Variants in FTO observed in about 807,000 individuals in gnomAD.
The protein encoded by FTO is FTO alpha-ketoglutarate dependent dioxygenase, also known as alpha-ketoglutarate-dependent dioxygenase FTO.
Under a neutral mutation model 63.9 loss-of-function variants are expected in FTO, and 47 were observed. That is an observed-to-expected ratio of 0.74 (90% confidence interval 0.58 to 0.94). FTO has a LOEUF of 0.94. Ranked by LOEUF, FTO falls within the 40% of genes least tolerant of loss-of-function variation. The pLI is 0.00. For synonymous variants in FTO, 207 were observed against 224.4 expected (o/e 0.92, Z 0.69); for missense variants, 562 against 618.1 (o/e 0.91, Z 0.96).
intron 2 of FTO, among the ~76,000 whole-genome samples, chr16:53,823,633 T>C (rs1486866820): frequency 6.6e-6 from 1 of 152,170 alleles, no homozygotes; most frequent in Non-Finnish European, 1.5e-5. Context: ...TTTCACAGAA[T>C]AGTAAATTGT....
chr16:53,891,345 G>C (rs1447481682), intron 7 of FTO, among the ~76,000 whole-genome samples: 1 of 82,712 alleles, frequency 1.2e-5, no homozygotes, highest in Non-Finnish European at 2.2e-5. Context: ...TTGTTCAAGA[G>C]CTTTTTTTTT....
chr16:54,106,611 T>C (rs2086758307), intron 8 of FTO, among the ~76,000 whole-genome samples: 1 of 139,910 alleles, frequency 7.1e-6, no homozygotes, highest in South Asian at 2.1e-4. Flanking sequence ...ATCATATAAT[T>C]ATATAATAAA....
At chr16:54,106,549 T>C (rs1460872685) in intron 8 of FTO, among the ~76,000 whole-genome samples, 1 of 142,556 alleles carries the variant, frequency 7.0e-6, no homozygotes, top group Non-Finnish European at 1.5e-5. Flanking sequence ...TATTATATAA[T>C]ATTAGATATA....
intron 8 of FTO, among the ~76,000 whole-genome samples, chr16:54,111,385 A>C (rs1300125810): frequency 6.6e-6 from 1 of 152,222 alleles, no homozygotes; most frequent in Non-Finnish European, 1.5e-5. Flanking sequence ...ATCTAGTAAT[A>C]CATTGAAATC....
At chr16:53,760,205 GGTGTGTGTGTGTGTGT>G (rs1173270081) in intron 1 of FTO, among the ~76,000 whole-genome samples, 69 of 125,592 alleles carry the variant, frequency 5.5e-4, no homozygotes, top group South Asian at 3.2e-3. Context: ...CTTCAGCTTT[GGTGTGTGTGTGTGTGT>G]GTGTGTGTGT....
intron 8 of FTO, among the ~76,000 whole-genome samples, chr16:53,979,021 C>T (rs1422117883): frequency 6.6e-6 from 1 of 151,986 alleles, no homozygotes; most frequent in Non-Finnish European, 1.5e-5. Context: ...AAAAAGTACC[C>T]ATAATCCTAC....
chr16:54,005,265 T>C (rs2084174619), intron 8 of FTO, among the ~76,000 whole-genome samples: 1 of 146,600 alleles, frequency 6.8e-6, no homozygotes, highest in Admixed American at 6.8e-5. Flanking sequence ...TATTATTAAA[T>C]TAATATATTT....
intron 7 of FTO, among the ~76,000 whole-genome samples, chr16:53,895,265 G>A (rs1241445017): frequency 6.6e-6 from 1 of 151,888 alleles, no homozygotes; most frequent in Non-Finnish European, 1.5e-5. Context: ...TTCCCTGAGT[G>A]TCTGTACCTT....
intron 1 of FTO, among the ~76,000 whole-genome samples, chr16:53,770,387 G>T (rs775948572): frequency 3.3e-5 from 5 of 152,202 alleles, no homozygotes; most frequent in Admixed American, 2.6e-4. Context: ...GTTTCTCAAG[G>T]CCAAATAAAT....
chr16:54,019,227 G>A (rs1075886), intron 8 of FTO, among the ~76,000 whole-genome samples: 77,846 of 151,552 alleles, frequency 0.51, 22,120 homozygotes, highest in African/African-American at 0.76. Flanking sequence ...ACCAAGACTG[G>A]CAAGGGAAAT....
chr16:53,765,855 G>A (rs375030887), intron 1 of FTO, among the ~76,000 whole-genome samples: 2 of 152,134 alleles, frequency 1.3e-5, no homozygotes, highest in African/African-American at 4.8e-5. Flanking sequence ...CATGAGGGTA[G>A]GGACTTTAGA....
At position 53,945,592 on chromosome 16, in the gene FTO, C is replaced by CT. The variant is rs2082635014; in HGVS notation, c.1364+11488dup. Among the ~76,000 whole-genome samples the CT allele has an allele frequency of 2.6e-5, 4 of 152,282 alleles. No homozygotes were observed. The South Asian group carries it at 8.3e-4, about 32-fold the overall frequency. ...CCTCTGGTACCTAACATGTTTTACA[C>CT]TTTTTAGTTGTGGGTGCATCTCTAT... On this transcript the variant is annotated intron_variant, in intron 8 of 8. Transcript: ENST00000471389.
intron 8 of FTO, among the ~76,000 whole-genome samples, chr16:54,058,694 CTG>C (rs2085500368): frequency 6.6e-6 from 1 of 152,212 alleles, no homozygotes; most frequent in Non-Finnish European, 1.5e-5. Context: ...GGCAGACAAT[CTG>C]TGAGAGACAC....
intron 1 of FTO, among the ~76,000 whole-genome samples, chr16:53,783,606 A>T (rs7198851): frequency 0.04 from 842 of 21,114 alleles, 7 homozygotes; most frequent in Middle Eastern, 0.15. Context: ...AGACTCCATA[A>T]AAAAAAAAAA....
intron 1 of FTO, among the ~76,000 whole-genome samples, chr16:53,773,873 C>T (rs1022871666): frequency 3.9e-5 from 6 of 152,060 alleles, no homozygotes; most frequent in South Asian, 2.1e-4. Context: ...AATAATTGGA[C>T]GACACTTGTT....
At chr16:53,733,881 T>C (rs2076328839) in intron 1 of FTO, among the ~76,000 whole-genome samples, 1 of 147,866 alleles carries the variant, frequency 6.8e-6, no homozygotes, top group Non-Finnish European at 1.5e-5. Flanking sequence ...GAGGTTTAAA[T>C]TAATGGAAAA....
intron 8 of FTO, among the ~76,000 whole-genome samples, chr16:53,989,369 G>A (rs980298127): frequency 2.0e-5 from 3 of 152,228 alleles, no homozygotes; most frequent in Non-Finnish European, 4.4e-5. Context: ...AAATGACATT[G>A]CAAAGGCAAG....
At chr16:53,903,206 G>A (rs1251721897) in intron 7 of FTO, among the ~76,000 whole-genome samples, 1 of 151,792 alleles carries the variant, frequency 6.6e-6, no homozygotes, top group African/African-American at 2.4e-5. Flanking sequence ...CCCTTCCCAA[G>A]AGGCTAGCAC....
At chr16:53,816,749 T>C (rs866481480) in intron 2 of FTO, among the ~76,000 whole-genome samples, 2 of 152,314 alleles carry the variant, frequency 1.3e-5, no homozygotes, top group Middle Eastern at 3.4e-3. Context: ...TATCCTACTT[T>C]CTCGGCTTTA....
Sources: allele counts gnomAD v4.1 joint callset (sites outside exome capture counted in the v4.1 genomes callset), GRCh38; gene constraint gnomAD v4.1.1; transcripts MANE v1.5; gene names NCBI Gene and HGNC (gene_info 2026-07-23, HGNC 2026-07-21).